PSTPIP2: variants seen among roughly 807,000 people sequenced by gnomAD.
PSTPIP2 encodes proline-serine-threonine phosphatase-interacting protein 2.
In PSTPIP2, 33 loss-of-function variants were observed where a neutral mutation model predicts 63.3. The ratio of observed to expected loss-of-function variants is 0.52; its 90% CI spans 0.40 to 0.70. The LOEUF is 0.70. Among genes scored for constraint, PSTPIP2 ranks in the 30% least tolerant of loss-of-function variants. The pLI, the probability that PSTPIP2 is intolerant of heterozygous loss-of-function variation, is 0.00. For missense variants in PSTPIP2, 312 were observed against 400.7 expected (o/e 0.78, Z 1.89); for synonymous variants, 125 against 132.7 (o/e 0.94, Z 0.40).
intron 1 of PSTPIP2, among the ~76,000 whole-genome samples, chr18:46,061,390 G>C (rs1442516760): frequency 1.3e-5 from 2 of 152,116 alleles, no homozygotes; most frequent in Non-Finnish European, 2.9e-5. Context: ...CTAAGTCAAA[G>C]GAAGCAGATG....
intron 14 of PSTPIP2, among the ~76,000 whole-genome samples, chr18:45,987,477 G>A (rs1007193336): frequency 3.9e-5 from 6 of 152,138 alleles, no homozygotes; most frequent in Admixed American, 1.3e-4. Flanking sequence ...CAAGAAATGC[G>A]AAGACGTGTA....
At chr18:45,992,711 T>C (rs72642434) in intron 10 of PSTPIP2, among the ~76,000 whole-genome samples, 7 of 151,826 alleles carry the variant, frequency 4.6e-5, no homozygotes, top group Non-Finnish European at 8.8e-5. Context: ...ATTAATTTTT[T>C]ATTTTTTATT....
At chr18:46,037,857 C>A (rs1352109148) in intron 2 of PSTPIP2, among the ~76,000 whole-genome samples, 3 of 152,154 alleles carry the variant, frequency 2.0e-5, no homozygotes, top group African/African-American at 7.2e-5. Context: ...GCTATAAAAC[C>A]CATGGGAGAA....
At chr18:46,013,373 C>A (rs2051820988) in intron 4 of PSTPIP2, among the ~76,000 whole-genome samples, 1 of 152,150 alleles carries the variant, frequency 6.6e-6, no homozygotes, top group South Asian at 2.1e-4. Context: ...TACAGAAACA[C>A]TTTAAGCAAG....
At chr18:45,998,670 A>C in intron 8 of PSTPIP2, 124 bp downstream of exon 8, 1 of 972,760 alleles carries the variant, frequency 1.0e-6, no homozygotes, top group Non-Finnish European at 1.5e-6. Context: ...TATCTCACTA[A>C]TCCTGCTGAA....
chr18:45,994,480 A>C (rs1161880253), intron 9 of PSTPIP2, among the ~76,000 whole-genome samples: 3 of 152,198 alleles, frequency 2.0e-5, no homozygotes, highest in Non-Finnish European at 4.4e-5. Flanking sequence ...ATCACTTGGA[A>C]GGTTTATTAG....
At chr18:46,024,710 A>G in intron 2 of PSTPIP2, 24 bp from the exon 3 acceptor site, 1 of 1,586,546 alleles carries the variant, frequency 6.3e-7, no homozygotes, top group Non-Finnish European at 8.7e-7. Flanking sequence ...AGAGAGGGTT[A>G]TGGGTCCTTC....
At chr18:46,069,230 G>C (rs1020748464) in intron 1 of PSTPIP2, among the ~76,000 whole-genome samples, 1 of 152,158 alleles carries the variant, frequency 6.6e-6, no homozygotes, top group Non-Finnish European at 1.5e-5. Context: ...CGTATCTGAA[G>C]GACACTGGTG....
At chr18:46,040,091 G>A in intron 1 of PSTPIP2, 44 bp from the exon 2 acceptor site, 1 of 1,439,846 alleles carries the variant, frequency 6.9e-7, no homozygotes, top group Non-Finnish European at 9.5e-7. Flanking sequence ...ACAGAAGGCA[G>A]CCCCCAAGGC....
At position 45,985,388 on chromosome 18, in the gene PSTPIP2, G is replaced by A; in HGVS notation, c.*71C>T. 6.2e-7 allele frequency: 1 copy of A among 1,604,030 alleles called. No homozygotes were observed. Among genetic ancestry groups the A allele is most frequent in the East Asian group, 2.2e-5 (1 of 44,640 alleles). On this transcript the variant is annotated 3_prime_UTR_variant, in exon 15 of 15. Transcript: ENST00000409746. The stretch of plus-strand genomic sequence containing the variant: ...CATTGCTGACATAACGTGGCTATAG[G>A]TCCTGCTGCTCTGGGTGCCCTTTCC...
chr18:46,025,022 C>T (rs1907528463), intron 2 of PSTPIP2, among the ~76,000 whole-genome samples: 1 of 152,114 alleles, frequency 6.6e-6, no homozygotes, highest in Non-Finnish European at 1.5e-5. Flanking sequence ...GCTATAGAGC[C>T]CTTCATTCAC....
chr18:46,007,269 G>A (rs2051738265), intron 5 of PSTPIP2, among the ~76,000 whole-genome samples: 1 of 152,238 alleles, frequency 6.6e-6, no homozygotes, highest in South Asian at 2.1e-4. Context: ...TATGAGCTTT[G>A]TGGAGTACAT....
intron 5 of PSTPIP2, among the ~76,000 whole-genome samples, chr18:46,008,159 C>A (rs944001194): frequency 6.6e-6 from 1 of 152,020 alleles, no homozygotes; most frequent in Non-Finnish European, 1.5e-5. Flanking sequence ...AATGCAGAAA[C>A]ACAACTATCT....
intron 2 of PSTPIP2, among the ~76,000 whole-genome samples, chr18:46,033,212 T>A (rs1197031998): frequency 1.3e-5 from 2 of 152,200 alleles, no homozygotes; most frequent in Non-Finnish European, 2.9e-5. Context: ...CTATTTCCCA[T>A]GATGCTCTCA....
rs140042638 is a variant in PSTPIP2, at chr18:46,020,645, C to T, written c.212+3964G>A. ...CCAGCCTGGGTGACAGAGTGAGACT[C>T]CATCTCAAAAAAAAAATCATCCACT... On this transcript the variant is annotated intron_variant, in intron 3 of 14. Transcript: ENST00000409746. Among the ~76,000 whole-genome samples the T allele has an allele frequency of 3.2e-3, 490 of 151,914 alleles. 5 individuals carry two copies. The highest frequency in any genetic ancestry group is 0.011 in the African/African-American group (457 of 41,452).
chr18:46,049,420 G>A (rs1908504263), intron 1 of PSTPIP2, among the ~76,000 whole-genome samples: 1 of 151,672 alleles, frequency 6.6e-6, no homozygotes, highest in Admixed American at 6.6e-5. Context: ...ACACAAGTTT[G>A]TTACCTATGT....
At chr18:45,992,011 T>C (rs978301552) in intron 11 of PSTPIP2, 28 bp from the exon 12 acceptor site, 2 of 1,600,148 alleles carry the variant, frequency 1.2e-6, no homozygotes, top group Non-Finnish European at 1.7e-6. Flanking sequence ...AAACAGGACA[T>C]GAAGAGGCAG....
intron 3 of PSTPIP2, among the ~76,000 whole-genome samples, chr18:46,017,252 T>A (rs1342164084): frequency 1.3e-5 from 2 of 152,172 alleles, no homozygotes; most frequent in East Asian, 1.9e-4. Context: ...ATCATTGCTA[T>A]TGAAAAAATC....
At chr18:46,040,459 C>T (rs1020459740) in intron 1 of PSTPIP2, among the ~76,000 whole-genome samples, 2 of 152,128 alleles carry the variant, frequency 1.3e-5, no homozygotes, top group African/African-American at 4.8e-5. Context: ...TCATGTTGAC[C>T]TTCGACAGAC....
Sources: allele counts gnomAD v4.1 joint callset (sites outside exome capture counted in the v4.1 genomes callset), GRCh38; gene constraint gnomAD v4.1.1; transcripts MANE v1.5; gene names NCBI Gene and HGNC (gene_info 2026-07-23, HGNC 2026-07-21).